SLC2A9: variants seen among roughly 807,000 people sequenced by gnomAD.
The protein encoded by SLC2A9 is solute carrier family 2, facilitated glucose transporter member 9.
In SLC2A9, 39 loss-of-function variants were observed where a neutral mutation model predicts 50.6. The observed-to-expected ratio is 0.77, with a 90% CI of 0.60 to 1.01. SLC2A9 has a LOEUF of 1.01. Ranked by LOEUF, SLC2A9 falls within the 50% of genes least tolerant of loss-of-function variation. SLC2A9 has a pLI of 0.00. For synonymous variants in SLC2A9, 324 were observed against 276.9 expected (o/e 1.17, Z -1.69); for missense variants, 686 against 677.6 (o/e 1.01, Z -0.14).
At chr4:10,016,409 G>C (rs1005523598) in intron 2 of SLC2A9, among the ~76,000 whole-genome samples, 1 of 152,172 alleles carries the variant, frequency 6.6e-6, no homozygotes, top group Non-Finnish European at 1.5e-5. Flanking sequence ...GCTGTCATGA[G>C]GGTGCACTGA....
At position 9,889,585 on chromosome 4, in the gene SLC2A9, G is replaced by A. The variant is rs923950621; in HGVS notation, c.1215+1025C>T. 3.9e-5 allele frequency among the ~76,000 whole-genome samples: 6 copies of A among 152,150 alleles called. No homozygotes were observed. In the East Asian group the frequency reaches 5.8e-4, roughly 15 times the overall value. On this transcript the variant is annotated intron_variant, in intron 9 of 11. Transcript: ENST00000264784. ...ATGCTTCCACCTCCTGCCGGTCAGC[G>A]TGCTTGCCAGCCCCACCTCTTCAAA...
rs1479806114 is a variant in SLC2A9, at chr4:9,938,416, C to T, written c.814+3497G>A. Among the ~76,000 whole-genome samples, 10 of 151,996 alleles carry T rather than the reference C, an allele frequency of 6.6e-5. No homozygotes were observed. In the East Asian group the frequency reaches 7.8e-4, roughly 12 times the overall value. Reference sequence around the variant, plus strand: ...CCTCCAGAGTAGCTGGGACTACAGGCGCCTGCCAACACGCCCGGCTAATTT... The same window carrying T: ...CCTCCAGAGTAGCTGGGACTACAGGTGCCTGCCAACACGCCCGGCTAATTT... On this transcript the variant is annotated intron_variant, in intron 6 of 11. Transcript: ENST00000264784.
intron 3 of SLC2A9, among the ~76,000 whole-genome samples, chr4:9,786,800 C>G (rs1442285000): frequency 1.3e-5 from 2 of 152,194 alleles, no homozygotes; most frequent in African/African-American, 2.4e-5. Context: ...ACCCTGCACC[C>G]CCACAGATAT....
intron 7 of SLC2A9, among the ~76,000 whole-genome samples, chr4:9,910,830 A>T (rs750532890): frequency 6.6e-6 from 1 of 152,224 alleles, no homozygotes; most frequent in Admixed American, 6.5e-5. Context: ...TCAGTGAGGG[A>T]CAGTTATAAC....
chr4:9,834,530 T>C (rs545493506), intron 11 of SLC2A9, among the ~76,000 whole-genome samples: 5 of 152,202 alleles, frequency 3.3e-5, no homozygotes, highest in Non-Finnish European at 7.4e-5. Context: ...GTTTGCAGTG[T>C]GCACTGGAAC....
chr4:9,908,107 G>T lies in SLC2A9; in HGVS notation c.1113+128C>A, dbSNP rs149428247. On this transcript the variant is annotated intron_variant, in intron 8 of 11. Transcript: ENST00000264784. ...AAACCAAGAGTTTGCTGAATGATAG[G>T]AAACCACATTGTCCTAATTGATGAA... 509 of 742,594 alleles carry T rather than the reference G, an allele frequency of 6.9e-4. 4 individuals are homozygous for T. In the African/African-American group the frequency reaches 7.8e-3, roughly 11 times the overall value. The allele number at this position is 742,594 out of a possible 1,614,324, so 46.0% of individuals were successfully genotyped here.
At position 9,887,586 on chromosome 4, in the gene SLC2A9, G is replaced by T; in HGVS notation, c.1272C>A (p.Ala424=). ...LSIVGILAII[A]SFCSGPGGIP... ...CCTTACCTGGCCCACTGCAGAAAGAGGCGATGATGGCCAGAATGCCCACGA... is the reference window on the plus strand; with the variant it reads ...CCTTACCTGGCCCACTGCAGAAAGATGCGATGATGGCCAGAATGCCCACGA... The change falls in exon 10 of 12, where the codon GCC becomes GCA. Residue 424 remains alanine (A), a synonymous_variant. Coordinates refer to ENST00000264784, the MANE Select transcript of SLC2A9 (RefSeq NM_020041.3). 11 of 1,568,456 alleles carry T rather than the reference G, an allele frequency of 7.0e-6. No individual in the cohort carries two copies. Among genetic ancestry groups the T allele is most frequent in the Non-Finnish European group, 9.5e-6 (11 of 1,156,798 alleles).
chr4:9,867,591 C>T (rs56396145), intron 10 of SLC2A9, among the ~76,000 whole-genome samples: 17,482 of 152,164 alleles, frequency 0.11, 1,160 homozygotes, highest in African/African-American at 0.15. Context: ...TAGAGATAGA[C>T]GGGCGGCTAT....
rs570648905 is a variant in SLC2A9, at chr4:10,030,921, G to A, written c.-40-4915C>T. On this transcript the variant is annotated intron_variant, in intron 1 of 12. Coordinates refer to the SLC2A9 transcript ENST00000309065. ...TAGACCTGGAAACTGGGGCTTAGGG[G>A]CTCCCAAAGCTGAGTCTTCTAAAAC... 6.6e-5 allele frequency among the ~76,000 whole-genome samples: 10 copies of A among 152,122 alleles called. No individual in the cohort carries two copies. The South Asian group carries it at 1.9e-3, about 28-fold the overall frequency.
intron 2 of SLC2A9, among the ~76,000 whole-genome samples, chr4:9,997,729 C>CA (rs34082587): frequency 3.2e-4 from 44 of 139,626 alleles, no homozygotes; most frequent in Admixed American, 7.9e-4. Context: ...ACATACCTAA[C>CA]AAAAAAAAAA....
At chr4:9,943,007 A>G (rs1748468722) in intron 5 of SLC2A9, among the ~76,000 whole-genome samples, 1 of 152,206 alleles carries the variant, frequency 6.6e-6, no homozygotes, top group Admixed American at 6.5e-5. Flanking sequence ...TGTTGGCTTC[A>G]GGTGGGGCCC....
chr4:10,036,993 C>T (rs1764128324), intron 1 of SLC2A9, among the ~76,000 whole-genome samples: 1 of 152,240 alleles, frequency 6.6e-6, no homozygotes, highest in Admixed American at 6.5e-5. Context: ...TCCTGCTGCA[C>T]AACCTTGTTC....
chr4:9,937,291 G>A (rs1404302237), intron 6 of SLC2A9, among the ~76,000 whole-genome samples: 1 of 152,182 alleles, frequency 6.6e-6, no homozygotes, highest in Non-Finnish European at 1.5e-5. Flanking sequence ...TTTCCGAGCT[G>A]TGTTTTCCCG....
intron 6 of SLC2A9, among the ~76,000 whole-genome samples, chr4:9,938,350 T>C (rs1196552317): frequency 6.6e-6 from 1 of 150,700 alleles, no homozygotes; most frequent in African/African-American, 2.4e-5. Flanking sequence ...TGGCTCACTG[T>C]AAGCTCTGCC....
chr4:9,895,856 T>G (rs899910074), intron 8 of SLC2A9, among the ~76,000 whole-genome samples: 1 of 152,224 alleles, frequency 6.6e-6, no homozygotes, highest in African/African-American at 2.4e-5. Context: ...CCAGGCAACC[T>G]CCGATCTGCT....
At chr4:9,909,619 G>C (rs1741319898) in intron 7 of SLC2A9, among the ~76,000 whole-genome samples, 1 of 152,168 alleles carries the variant, frequency 6.6e-6, no homozygotes, top group South Asian at 2.1e-4. Context: ...TGCTTATTTT[G>C]CCTGTCCCAT....
At chr4:9,893,901 A>G (rs1389777730) in intron 8 of SLC2A9, among the ~76,000 whole-genome samples, 1 of 152,240 alleles carries the variant, frequency 6.6e-6, no homozygotes, top group Admixed American at 6.5e-5. Flanking sequence ...AGCGCAACAC[A>G]TGTTAATCTT....
At chr4:9,783,012 G>C (rs757926678) in intron 3 of SLC2A9, 2 of 1,614,172 alleles carry the variant, frequency 1.2e-6, no homozygotes, top group East Asian at 2.2e-5. Flanking sequence ...CACCCCGAAG[G>C]CCCTCCGGCC....
chr4:9,882,505 G>A (rs1329103864), intron 10 of SLC2A9, among the ~76,000 whole-genome samples: 12 of 151,948 alleles, frequency 7.9e-5, no homozygotes, highest in South Asian at 6.2e-4. Flanking sequence ...TCAGGTGATC[G>A]TGACCATCCT....
Sources: gnomAD v4.1 joint callset for allele counts (sites outside exome capture counted in the v4.1 genomes callset) on GRCh38, gnomAD v4.1.1 for gene constraint, MANE v1.5 for transcripts, NCBI Gene and HGNC (gene_info 2026-07-23, HGNC 2026-07-21) for gene names.